The following CHD9NB variants were observed in gnomAD, a reference collection of about 807,000 sequenced individuals.
The protein encoded by CHD9NB is CHD9 neighbor.
the CHD9NB span, among the ~76,000 whole-genome samples, chr16:53,047,697 C>T: frequency 1.3e-5 from 2 of 152,130 alleles, no homozygotes; most frequent in Admixed American, 6.6e-5. Context: ...AGGGTTTCAA[C>T]ATATAAATTT....
chr16:53,043,605 A>C, the CHD9NB span: 1 of 160,368 alleles, frequency 6.2e-6, no homozygotes, highest in Non-Finnish European at 1.4e-5. Flanking sequence ...CACCCCACAC[A>C]GTATGACCAA....
the CHD9NB span, among the ~76,000 whole-genome samples, chr16:53,037,960 G>A: frequency 6.6e-6 from 1 of 152,166 alleles, no homozygotes; most frequent in Non-Finnish European, 1.5e-5. Flanking sequence ...CATTATTATG[G>A]AGGCCAAGAA....
the CHD9NB span, among the ~76,000 whole-genome samples, chr16:53,044,450 C>T: frequency 6.6e-6 from 1 of 152,216 alleles, no homozygotes; most frequent in Admixed American, 6.5e-5. Context: ...ACTTACAAAT[C>T]ATCCCACCAC....
the CHD9NB span, among the ~76,000 whole-genome samples, chr16:53,036,226 G>A: frequency 1.3e-5 from 2 of 152,178 alleles, no homozygotes; most frequent in Non-Finnish European, 2.9e-5. Flanking sequence ...TAAATGTGCT[G>A]TCTCACCCGT....
At chr16:53,045,142 G>C in the CHD9NB span, among the ~76,000 whole-genome samples, 2 of 151,998 alleles carry the variant, frequency 1.3e-5, no homozygotes, top group East Asian at 3.9e-4. Context: ...CCGGGAGTTG[G>C]AGGGTGGTGG....
the CHD9NB span, among the ~76,000 whole-genome samples, chr16:53,039,148 C>T: frequency 2.6e-5 from 4 of 152,222 alleles, no homozygotes; most frequent in African/African-American, 7.2e-5. Context: ...ATCTGATTTA[C>T]TCAGATCTCT....
the CHD9NB span, among the ~76,000 whole-genome samples, chr16:53,040,126 A>C: frequency 6.6e-6 from 1 of 151,918 alleles, no homozygotes; most frequent in Admixed American, 6.6e-5. Context: ...GTGCATGGTC[A>C]TGGTGCAATC....
At chr16:53,042,091 C>CAA in the CHD9NB span, among the ~76,000 whole-genome samples, 1 of 152,168 alleles carries the variant, frequency 6.6e-6, no homozygotes, top group Admixed American at 6.5e-5. Flanking sequence ...AAAAGAATCT[C>CAA]AATCAGTTTC....
At chr16:53,037,296 G>A in the CHD9NB span, among the ~76,000 whole-genome samples, 1 of 152,182 alleles carries the variant, frequency 6.6e-6, no homozygotes, top group Non-Finnish European at 1.5e-5. Context: ...GGCTTTAGCT[G>A]CCGCTGTGTT....
At chr16:53,036,443 T>A in the CHD9NB span, among the ~76,000 whole-genome samples, 1 of 152,180 alleles carries the variant, frequency 6.6e-6, no homozygotes, top group African/African-American at 2.4e-5. Context: ...ACATGTTGGT[T>A]TTTCCAGAGT....
the CHD9NB span, among the ~76,000 whole-genome samples, chr16:53,046,379 A>G: frequency 6.6e-6 from 1 of 152,018 alleles, no homozygotes; most frequent in Non-Finnish European, 1.5e-5. Context: ...TGAATGTGGT[A>G]AGAAAACTTG....
At chr16:53,051,520 CA>C in the CHD9NB span, among the ~76,000 whole-genome samples, 1 of 139,638 alleles carries the variant, frequency 7.2e-6, no homozygotes, top group Admixed American at 8.0e-5. Flanking sequence ...ATCGCAAGGA[CA>C]AAAAACCAAA....
At chr16:53,047,763 C>T in the CHD9NB span, among the ~76,000 whole-genome samples, 1 of 151,816 alleles carries the variant, frequency 6.6e-6, no homozygotes, top group Non-Finnish European at 1.5e-5. Context: ...TTTGGGAGGC[C>T]GAGGTGGGTG....
chr16:53,052,296 A>G, the CHD9NB span, among the ~76,000 whole-genome samples: 1 of 152,158 alleles, frequency 6.6e-6, no homozygotes, highest in Middle Eastern at 3.4e-3. Flanking sequence ...AGTCCCAGCT[A>G]CTTGGGAGTC....
At chr16:53,050,545 T>C in the CHD9NB span, among the ~76,000 whole-genome samples, 3 of 152,150 alleles carry the variant, frequency 2.0e-5, no homozygotes, top group Non-Finnish European at 4.4e-5. Context: ...CCTGGGATTT[T>C]TGGAAAGAGT....
At chr16:53,044,578 T>C in the CHD9NB span, among the ~76,000 whole-genome samples, 1 of 152,192 alleles carries the variant, frequency 6.6e-6, no homozygotes, top group Non-Finnish European at 1.5e-5. Flanking sequence ...TTCCTGGGAC[T>C]CACCCCCTAC....
At chr16:53,038,962 A>G in the CHD9NB span, among the ~76,000 whole-genome samples, 1 of 151,910 alleles carries the variant, frequency 6.6e-6, no homozygotes, top group African/African-American at 2.4e-5. Context: ...GGCACCTCAA[A>G]CTCAACACCC....
chr16:53,045,270 G>A, the CHD9NB span, among the ~76,000 whole-genome samples: 1 of 152,122 alleles, frequency 6.6e-6, no homozygotes, highest in Non-Finnish European at 1.5e-5. Context: ...TTATCAGTAT[G>A]CTAATCTTAT....
the CHD9NB span, chr16:53,044,384 C>G: frequency 2.6e-6 from 1 of 384,506 alleles, no homozygotes; most frequent in Non-Finnish European, 4.6e-6. Flanking sequence ...CTGGCCAATT[C>G]CAGGCACTGT....
Sources: gnomAD v4.1 joint callset for allele counts (sites outside exome capture counted in the v4.1 genomes callset) on GRCh38, gnomAD v4.1.1 for gene constraint, MANE v1.5 for transcripts, NCBI Gene and HGNC (gene_info 2026-07-23, HGNC 2026-07-21) for gene names.